BRIP1: variants seen among roughly 807,000 people sequenced by gnomAD.
BRIP1 encodes BRCA1 interacting DNA helicase 1, also known as Fanconi anemia group J protein.
Under a neutral mutation model 119.7 loss-of-function variants are expected in BRIP1, and 88 were observed. That is an observed-to-expected ratio of 0.74 (90% confidence interval 0.62 to 0.88). The LOEUF (loss-of-function observed/expected upper bound fraction) is 0.88, where lower values mean the gene tolerates loss of function less well. Among genes scored for constraint, BRIP1 ranks in the 40% least tolerant of loss-of-function variants. The pLI, the probability that BRIP1 is intolerant of heterozygous loss-of-function variation, is 0.00. For synonymous variants in BRIP1, 443 were observed against 496.5 expected (o/e 0.89, Z 1.43); for missense variants, 1,259 against 1,455.4 (o/e 0.87, Z 2.20).
rs367644549 is a variant in BRIP1, at chr17:61,822,768, T to TA, written c.628-14012dup. ...ATGTGAATGGGGAAAAGTTTGTGTT[T>TA]AAAAAAAAAAAGGCCCTGTATGACT... On this transcript the variant is annotated intron_variant, in intron 6 of 19. Coordinates refer to ENST00000259008, the MANE Select transcript of BRIP1 (RefSeq NM_032043.3). The surrounding 1 kb of genome is among the most constrained non-coding windows in gnomAD (Gnocchi z 4.4). 3.3e-4 allele frequency among the ~76,000 whole-genome samples: 48 copies of TA among 146,348 alleles called. No individual in the cohort carries two copies. The highest frequency in any genetic ancestry group is 5.5e-4 in the African/African-American group (22 of 40,268).
At position 61,846,612 on chromosome 17, in the gene BRIP1, C is replaced by T. The variant is rs1004775583; in HGVS notation, c.627+489G>A. ...ATGTTGCCCAGGCTGGTTTCAAACT[C>T]GTGAACTCAAGTGATCCACCCGCCT... is the stretch of plus-strand genomic sequence containing the variant. On this transcript the variant is annotated intron_variant, in intron 6 of 19. Transcript: ENST00000259008. This position sits in a 1 kb window ranked among gnomAD's most constrained non-coding sequence, Gnocchi z 4.3. Among the ~76,000 whole-genome samples the T allele has an allele frequency of 1.3e-5, 2 of 152,162 alleles. No homozygotes were observed. The highest frequency in any genetic ancestry group is 4.8e-5 in the African/African-American group (2 of 41,446).
chr17:61,835,113 T>C (rs2078552408), intron 6 of BRIP1, among the ~76,000 whole-genome samples: 1 of 151,368 alleles, frequency 6.6e-6, no homozygotes, highest in African/African-American at 2.4e-5. Flanking sequence ...TTCCCAAATT[T>C]TCTCTTAGAT....
intron 13 of BRIP1, among the ~76,000 whole-genome samples, chr17:61,777,520 A>G (rs7208535): frequency 0.99 from 150,585 of 152,300 alleles, 74,466 homozygotes; most frequent in East Asian, 1. Context: ...TTTTACTTGC[A>G]CTTCTGACTG....
Position 61,765,595 on chromosome 17 carries a change from C to G in BRIP1, c.2097+10806G>C, listed in dbSNP as rs952906808. On this transcript the variant is annotated intron_variant, in intron 14 of 19. Transcript: ENST00000259008. ...GGATTACAGGCATGTGCCACCATGT[C>G]CGGTTAATTTTGAATTTTTAGTACA... Among the ~76,000 whole-genome samples, 3 of 149,080 alleles carry G rather than the reference C, an allele frequency of 2.0e-5. No homozygotes were observed. In the South Asian group the frequency reaches 6.4e-4, roughly 32 times the overall value.
Position 61,859,860 on chromosome 17 carries a change from G to A in BRIP1, c.141C>T (p.Pro47=), listed in dbSNP as rs2145851606. The A allele has an allele frequency of 1.2e-6, 2 of 1,613,866 alleles. No individual in the cohort carries two copies. The highest frequency in any genetic ancestry group is 1.7e-6 in the Non-Finnish European group (2 of 1,179,848). Residue 47 remains proline (P), a synonymous_variant, in exon 3 of 20, where the codon CCC becomes CCT. Transcript: ENST00000259008. ...AGGCTAAGCTTTTTCCACTTCCTGT[G>A]GGACTCTCCAACAAACAATGTTGCT... ...NSKQHCLLES[P]TGSGKSLALL...
At chr17:61,833,032 G>A (rs927301686) in intron 6 of BRIP1, among the ~76,000 whole-genome samples, 9 of 152,042 alleles carry the variant, frequency 5.9e-5, no homozygotes, top group African/African-American at 9.7e-5. Context: ...TAAAATAACC[G>A]AAAGATAAAT....
At chr17:61,702,440 T>C (rs1259918480) in intron 17 of BRIP1, among the ~76,000 whole-genome samples, 2 of 152,120 alleles carry the variant, frequency 1.3e-5, no homozygotes, top group Non-Finnish European at 2.9e-5. Context: ...CAACTCTTAG[T>C]TCAAACAGCT....
chr17:61,779,275 G>A (rs1237241135), intron 13 of BRIP1, among the ~76,000 whole-genome samples: 1 of 152,128 alleles, frequency 6.6e-6, no homozygotes, highest in Non-Finnish European at 1.5e-5. Flanking sequence ...ATGGAAAAGA[G>A]AAGCATAAAT....
chr17:61,779,617 C>G (rs1643221627), intron 13 of BRIP1, among the ~76,000 whole-genome samples: 2 of 151,736 alleles, frequency 1.3e-5, no homozygotes, highest in Admixed American at 1.3e-4. Context: ...AAAACCTTGT[C>G]TCAAAAAATA....
rs2078234986 is a variant in BRIP1, at chr17:61,816,253, A to T, written c.628-7496T>A. 6.6e-6 allele frequency among the ~76,000 whole-genome samples: 1 copy of T among 152,220 alleles called. No individual in the cohort carries two copies. Among genetic ancestry groups the T allele is most frequent in the African/African-American group, 2.4e-5 (1 of 41,452 alleles). ...ATACAGTGTCAGGTGAGAGTGTGTA[A>T]TACAAATCCACAACTTTCTTCATCC... is the stretch of plus-strand genomic sequence containing the variant. On this transcript the variant is annotated intron_variant, in intron 6 of 19. Transcript: ENST00000259008. This position sits in a 1 kb window ranked among gnomAD's most constrained non-coding sequence, Gnocchi z 5.0.
In BRIP1 at chr17:61,754,945, G is replaced by C. The variant is rs1453014370; in HGVS notation, c.2098-10354C>G. 1.3e-5 allele frequency among the ~76,000 whole-genome samples: 2 copies of C among 152,008 alleles called. No homozygotes were observed. The highest frequency in any genetic ancestry group is 2.9e-5 in the Non-Finnish European group (2 of 68,024). On this transcript the variant is annotated intron_variant, in intron 14 of 19. Transcript: ENST00000259008. This position sits in a 1 kb window ranked among gnomAD's most constrained non-coding sequence, Gnocchi z 4.1. ...CAAATATAACCACACTGGGGGTTAG[G>C]GCTTCAACATAAAAAATTTGGTGGT...
At chr17:61,863,249 C>T (rs1299699213) in intron 1 of BRIP1, 35 bp downstream of exon 1, 1 of 152,198 alleles carries the variant, frequency 6.6e-6, no homozygotes, top group Non-Finnish European at 1.5e-5. Context: ...TGCAGAAGAA[C>T]TCAAGCCCTT....
At position 61,857,799 on chromosome 17, in the gene BRIP1, T is replaced by C. The variant is rs2078919165; in HGVS notation, c.206-568A>G. On this transcript the variant is annotated intron_variant, in intron 3 of 19. Transcript: ENST00000259008. This position sits in a 1 kb window ranked among gnomAD's most constrained non-coding sequence, Gnocchi z 5.1. ...TCTGTAAAAATCTAATAATCTAAGA[T>C]TAATAATGTAATAAAAGTACAACTA... 6.6e-6 allele frequency among the ~76,000 whole-genome samples: 1 copy of C among 152,166 alleles called. No homozygotes were observed. Among genetic ancestry groups the C allele is most frequent in the South Asian group, 2.1e-4 (1 of 4,834 alleles).
In BRIP1 at chr17:61,769,330, A is replaced by G. The variant is rs1435080645; in HGVS notation, c.2097+7071T>C. Among the ~76,000 whole-genome samples the G allele has an allele frequency of 6.6e-6, 1 of 152,228 alleles. No homozygotes were observed. The highest frequency in any genetic ancestry group is 6.5e-5 in the Admixed American group (1 of 15,270). On this transcript the variant is annotated intron_variant, in intron 14 of 19. Coordinates refer to ENST00000259008, the MANE Select transcript of BRIP1 (RefSeq NM_032043.3). The surrounding 1 kb of genome is among the most constrained non-coding windows in gnomAD (Gnocchi z 4.9). ...TGTTATGCAGCAACATAGAACTAATACAACCCATCTAATTATATTTCAATC... is the reference window on the plus strand; with the variant it reads ...TGTTATGCAGCAACATAGAACTAATGCAACCCATCTAATTATATTTCAATC...
intron 7 of BRIP1, among the ~76,000 whole-genome samples, chr17:61,801,868 C>T (rs2078001170): frequency 6.6e-6 from 1 of 151,976 alleles, no homozygotes; most frequent in South Asian, 2.1e-4. Flanking sequence ...TGACTGGGCA[C>T]AGGAGTGAGA....
chr17:61,799,119 C>A lies in BRIP1; in HGVS notation c.1321G>T (p.Val441Leu), dbSNP rs1060501782. Residue 441 changes from valine (V) to leucine (L), a missense_variant, in exon 9 of 20, where the codon GTG (valine) becomes TTG (leucine). Around this residue, in one of 3 missense-constraint regions of BRIP1, gnomAD observed 501 missense variants for 544.0 expected, o/e 0.92. Coordinates refer to ENST00000259008, the MANE Select transcript of BRIP1 (RefSeq NM_032043.3). The surrounding 1 kb of genome is among the most constrained non-coding windows in gnomAD (Gnocchi z 5.1). ...RKKDHEPLRA[V>L]CCSLINWLEA... is the part of the protein sequence containing the mutation. ...TCTTACTTAATGAGGCTACAGCACA[C>A]AGCTCGTAGGGGTTCATGATCTTTC... is the stretch of plus-strand genomic sequence containing the variant. 6.2e-7 allele frequency: 1 copy of A among 1,613,242 alleles called. No homozygotes were observed. The highest frequency in any genetic ancestry group is 8.5e-7 in the Non-Finnish European group (1 of 1,179,280).
rs910391968 is a variant in BRIP1 at position 61,768,159 on chromosome 17, G to A, written c.2097+8242C>T. On this transcript the variant is annotated intron_variant, in intron 14 of 19. Transcript: ENST00000259008. This position sits in a 1 kb window ranked among gnomAD's most constrained non-coding sequence, Gnocchi z 5.0. Reference sequence around the variant, plus strand: ...TTAACAGGACTTAGTGCAGTCCTCCGCACAAAGTATGTACTCAATAATGAT... The same window carrying A: ...TTAACAGGACTTAGTGCAGTCCTCCACACAAAGTATGTACTCAATAATGAT... Among the ~76,000 whole-genome samples, 4 of 152,040 alleles carry A rather than the reference G, an allele frequency of 2.6e-5. No homozygotes were observed. The highest frequency in any genetic ancestry group is 2.1e-4 in the South Asian group (1 of 4,818).
chr17:61,858,410 G>A (rs1395260803), intron 3 of BRIP1, among the ~76,000 whole-genome samples: 1 of 145,856 alleles, frequency 6.9e-6, no homozygotes, highest in Non-Finnish European at 1.5e-5. Context: ...TTTCGCTCCT[G>A]TTGCCCAGGC....
chr17:61,691,494 T>C lies in BRIP1; in HGVS notation c.2575+1936A>G, dbSNP rs2061446200. ...TTTTTGAGACAGAATCTTGCTCTGT[T>C]GCCCAGGCTAGAGTGCAGTGGCGCG... On this transcript the variant is annotated intron_variant, in intron 18 of 19. Coordinates refer to ENST00000259008, the MANE Select transcript of BRIP1 (RefSeq NM_032043.3). The surrounding 1 kb of genome is among the most constrained non-coding windows in gnomAD (Gnocchi z 5.0). 6.6e-6 allele frequency among the ~76,000 whole-genome samples: 1 copy of C among 152,182 alleles called. No homozygotes were observed. The highest frequency in any genetic ancestry group is 2.4e-5 in the African/African-American group (1 of 41,452).
Sources: gnomAD v4.1 joint callset for allele counts (sites outside exome capture counted in the v4.1 genomes callset) on GRCh38, gnomAD v4.1.1 for gene constraint, gnomAD v4.1.1 regional missense constraint, Gnocchi (gnomAD v3.1) non-coding constraint, MANE v1.5 for transcripts, NCBI Gene and HGNC (gene_info 2026-07-23, HGNC 2026-07-21) for gene names.